The following TYW1B variants were observed in gnomAD, a reference collection of about 807,000 sequenced individuals.
TYW1B encodes S-adenosyl-L-methionine-dependent tRNA 4-demethylwyosine synthase TYW1B.
In TYW1B, 73 loss-of-function variants were observed where a neutral mutation model predicts 86.9. The ratio of observed to expected loss-of-function variants is 0.84; its 90% confidence interval spans 0.70 to 1.02. TYW1B has a LOEUF of 1.02. TYW1B is among the 50% of genes least tolerant of loss of function. TYW1B has a pLI of 0.00. For missense variants in TYW1B, 637 were observed against 827.4 expected, an observed-to-expected ratio of 0.77 and a Z score of 2.82; for synonymous variants, 248 against 292.8, an observed-to-expected ratio of 0.85 and a Z score of 1.56.
At chr7:72,712,592 T>C (rs1554454990) in intron 10 of TYW1B, among the ~76,000 whole-genome samples, 3 of 152,208 alleles carry the variant, frequency 2.0e-5, no homozygotes, top group Non-Finnish European at 4.4e-5. Context: ...TCTCCAAAAG[T>C]GCTGGGATGA....
At position 72,627,456 on chromosome 7, in the gene TYW1B, GTAACATAACATAACA is replaced by G. The variant is rs368171802; in HGVS notation, c.1617+1416_1617+1430del. 5.6e-3 allele frequency among the ~76,000 whole-genome samples: 695 copies of G among 124,594 alleles called. 5 individuals carry two copies. Among genetic ancestry groups the G allele is most frequent in the African/African-American group, 0.016 (496 of 31,398 alleles). 81.7% of individuals were successfully genotyped at this position (124,594 alleles called of 152,430 possible). On this transcript the variant is annotated intron_variant, in intron 12 of 13. Coordinates refer to ENST00000620995, the MANE Select transcript of TYW1B (RefSeq NM_001145440.3). The stretch of plus-strand genomic sequence containing the variant: ...GAGTGAGACTTCATCTCAAAAAACA[GTAACATAACATAACA>G]TAACATAACATAACATAACATAACA...
intron 11 of TYW1B, among the ~76,000 whole-genome samples, chr7:72,664,330 GCTGTTT>G (rs1554444929): frequency 2.7e-5 from 4 of 150,298 alleles, no homozygotes. Flanking sequence ...GGCTTATTTT[GCTGTTT>G]CTTAGATTTA....
At chr7:72,721,722 A>T (rs1786907856) in intron 9 of TYW1B, among the ~76,000 whole-genome samples, 1 of 151,922 alleles carries the variant, frequency 6.6e-6, no homozygotes, top group Non-Finnish European at 1.5e-5. Context: ...CCCTTTCACA[A>T]CTAAACTCTG....
At chr7:72,770,427 CA>C (rs587645992) in intron 7 of TYW1B, among the ~76,000 whole-genome samples, 54 of 94,454 alleles carry the variant, frequency 5.7e-4, no homozygotes, top group African/African-American at 1.6e-3. Context: ...GACTCCGTCT[CA>C]AAAAAAAAAA....
intron 8 of TYW1B, among the ~76,000 whole-genome samples, chr7:72,740,832 G>A (rs1341675814): frequency 1.3e-5 from 2 of 148,698 alleles, no homozygotes; most frequent in Admixed American, 6.8e-5. Context: ...CCGAGCTCAC[G>A]CCATTCTCCT....
chr7:72,597,267 TGACAAGAAAAGTTCTATAGG>T (rs1811558418), intron 13 of TYW1B, among the ~76,000 whole-genome samples: 1 of 130,030 alleles, frequency 7.7e-6, no homozygotes, highest in Non-Finnish European at 1.6e-5. Flanking sequence ...TAGATCTCAA[TGACAAGAAAAGTTCTATAGG>T]GGCAAAATTT....
intron 5 of TYW1B, among the ~76,000 whole-genome samples, chr7:72,803,254 A>G (rs1788435634): frequency 1.3e-5 from 2 of 152,160 alleles, no homozygotes; most frequent in Admixed American, 1.3e-4. Context: ...AGTCTTTAGC[A>G]TCAGACTAAC....
At chr7:72,815,209 C>T (rs1270335360) in intron 3 of TYW1B, among the ~76,000 whole-genome samples, 171 bp downstream of exon 3, 1 of 152,058 alleles carries the variant, frequency 6.6e-6, no homozygotes, top group African/African-American at 2.4e-5. Context: ...ATCAGTGAAC[C>T]TCACCCCACA....
chr7:72,825,763 A>G (rs1352700615), intron 2 of TYW1B, among the ~76,000 whole-genome samples: 2 of 152,090 alleles, frequency 1.3e-5, no homozygotes, highest in African/African-American at 4.8e-5. Flanking sequence ...TTTTTTCCCT[A>G]TTCCCTACTT....
chr7:72,805,980 A>C (rs1788486833), intron 5 of TYW1B, among the ~76,000 whole-genome samples: 1 of 152,100 alleles, frequency 6.6e-6, no homozygotes, highest in Admixed American at 6.6e-5. Flanking sequence ...GTATTTAAAG[A>C]AGGAAGCAAG....
intron 4 of TYW1B, among the ~76,000 whole-genome samples, chr7:72,807,764 A>G (rs1361653043): frequency 6.6e-6 from 1 of 152,164 alleles, no homozygotes; most frequent in Non-Finnish European, 1.5e-5. Flanking sequence ...AATATAATCA[A>G]TTTGGCAAGA....
intron 7 of TYW1B, among the ~76,000 whole-genome samples, chr7:72,754,652 G>A (rs1787557115): frequency 6.6e-6 from 1 of 151,592 alleles, no homozygotes; most frequent in South Asian, 2.1e-4. Flanking sequence ...TTGCCAGGCT[G>A]GTCTCCAACT....
intron 13 of TYW1B, among the ~76,000 whole-genome samples, chr7:72,598,177 T>G (rs1372451784): frequency 6.6e-6 from 1 of 152,122 alleles, no homozygotes; most frequent in South Asian, 2.1e-4. Context: ...TTCCAGTGAA[T>G]ATAAAGCAGG....
chr7:72,819,633 G>A (rs781901509), intron 2 of TYW1B, among the ~76,000 whole-genome samples: 13 of 152,078 alleles, frequency 8.5e-5, no homozygotes, highest in Non-Finnish European at 1.3e-4. Context: ...GAGTTTTGCC[G>A]TGTTGCACAG....
At chr7:72,605,917 C>T (rs2844098) in intron 13 of TYW1B, among the ~76,000 whole-genome samples, 14 of 151,938 alleles carry the variant, frequency 9.2e-5, no homozygotes, top group South Asian at 2.1e-4. Context: ...CTAGGAGATG[C>T]GAACCCCAAC....
chr7:72,721,682 T>G (rs1254451559), intron 9 of TYW1B, among the ~76,000 whole-genome samples: 2 of 151,850 alleles, frequency 1.3e-5, no homozygotes, highest in Admixed American at 6.6e-5. Context: ...ACACACACGA[T>G]CTGTTCTCTT....
chr7:72,779,648 C>T (rs1788015904), intron 6 of TYW1B, among the ~76,000 whole-genome samples: 2 of 127,038 alleles, frequency 1.6e-5, no homozygotes, highest in Non-Finnish European at 3.1e-5. Context: ...ACCCGGGAGG[C>T]GGAGGTTACG....
intron 9 of TYW1B, among the ~76,000 whole-genome samples, chr7:72,727,718 G>C (rs1300540572): frequency 3.3e-5 from 5 of 151,438 alleles, no homozygotes; most frequent in African/African-American, 1.2e-4. Flanking sequence ...TAAGGCTGAG[G>C]TGGGAGGATC....
chr7:72,686,129 C>G (rs1328511770), intron 11 of TYW1B, among the ~76,000 whole-genome samples: 1 of 152,144 alleles, frequency 6.6e-6, no homozygotes, highest in Admixed American at 6.6e-5. Flanking sequence ...AATGGTACAG[C>G]CACTTTGGAA....
Sources: gnomAD v4.1 joint callset for allele counts (sites outside exome capture counted in the v4.1 genomes callset) on GRCh38, gnomAD v4.1.1 for gene constraint, MANE v1.5 for transcripts, NCBI Gene and HGNC (gene_info 2026-07-23, HGNC 2026-07-21) for gene names.